The following POR variants were observed in gnomAD, a reference collection of about 807,000 sequenced individuals.
POR encodes the protein NADPH--cytochrome P450 reductase.
In POR, 56 loss-of-function variants were observed where a neutral mutation model predicts 84.0. The ratio of observed to expected loss-of-function variants is 0.67; its 90% confidence interval spans 0.54 to 0.83. The LOEUF is 0.83. POR is among the 40% of genes least tolerant of loss of function. POR has a pLI of 0.00. For missense variants in POR, 938 were observed against 944.3 expected, an observed-to-expected ratio of 0.99 and a Z score of 0.09; for synonymous variants, 414 against 400.5, an observed-to-expected ratio of 1.03 and a Z score of -0.40.
At chr7:75,979,914 C>T (rs191471213) in intron 4 of POR, 86 of 378,028 alleles carry the variant, frequency 2.3e-4, no homozygotes, top group Admixed American at 5.9e-4. Flanking sequence ...GTCTTGGTGA[C>T]GGGCACTACC....
chr7:75,947,965 A>G (rs1554552320), intron 1 of POR, among the ~76,000 whole-genome samples: 1 of 152,114 alleles, frequency 6.6e-6, no homozygotes, highest in Admixed American at 6.6e-5. Flanking sequence ...CCCCAGGCAC[A>G]CTGCTTGGAT....
At chr7:75,959,259 C>A (rs1787827783) in intron 2 of POR, among the ~76,000 whole-genome samples, 1 of 152,154 alleles carries the variant, frequency 6.6e-6, no homozygotes, top group Non-Finnish European at 1.5e-5. Flanking sequence ...GCTGATACAA[C>A]CAGGCCTCAA....
In POR at chr7:75,942,117, C is replaced by A. The variant is rs192365067; in HGVS notation, c.-4-11872C>A. ...TAGTATACACCTGTAGTCCCAACTACTGTGGAGACTGAGGTGGGAGGATCA... is the reference window on the plus strand; with the variant it reads ...TAGTATACACCTGTAGTCCCAACTAATGTGGAGACTGAGGTGGGAGGATCA... On this transcript the variant is annotated intron_variant, in intron 1 of 15. Coordinates refer to ENST00000461988, the MANE Select transcript of POR (RefSeq NM_000941.3). Among the ~76,000 whole-genome samples the A allele has an allele frequency of 3.9e-3, 599 of 152,100 alleles. 8 individuals carry two copies. Among genetic ancestry groups the A allele is most frequent in the Non-Finnish European group, 2.1e-3 (145 of 68,004 alleles).
intron 2 of POR, among the ~76,000 whole-genome samples, chr7:75,969,606 G>T (rs1788343067): frequency 6.6e-6 from 1 of 152,232 alleles, no homozygotes; most frequent in South Asian, 2.1e-4. Context: ...GATCCACTTT[G>T]TTGGAGATGG....
chr7:75,919,397 G>A (rs1806742860), intron 1 of POR, among the ~76,000 whole-genome samples: 1 of 151,946 alleles, frequency 6.6e-6, no homozygotes, highest in Non-Finnish European at 1.5e-5. Flanking sequence ...GTGTGTGTGT[G>A]TGTGTGTGTG....
At chr7:75,961,875 G>T (rs961558348) in intron 2 of POR, among the ~76,000 whole-genome samples, 20 of 152,138 alleles carry the variant, frequency 1.3e-4, no homozygotes, top group African/African-American at 4.6e-4. Context: ...TTAGTCAAGT[G>T]TGGTGGCACA....
At chr7:75,942,939 T>C (rs1786997947) in intron 1 of POR, among the ~76,000 whole-genome samples, 1 of 149,966 alleles carries the variant, frequency 6.7e-6, no homozygotes, top group Non-Finnish European at 1.5e-5. Context: ...GGCAGTTCTT[T>C]CTTTTTTCTT....
Position 75,954,012 on chromosome 7 carries a change from C to T in POR, c.20C>T (p.Ser7Phe). Reference sequence around the variant, plus strand: ...AGTTTCATGATCAACATGGGAGACTCCCACGTGGACACCAGCTCCACCGTG... The same window carrying T: ...AGTTTCATGATCAACATGGGAGACTTCCACGTGGACACCAGCTCCACCGTG... Residue 7 changes from serine to phenylalanine, a missense_variant, in exon 2 of 16, where the codon TCC (serine) becomes TTC (phenylalanine). Ser to Phe is a radical substitution (Grantham distance 155, BLOSUM62 -2). Transcript: ENST00000461988. 3 of 1,601,530 alleles carry T rather than the reference C, an allele frequency of 1.9e-6. No individual in the cohort carries two copies. Among genetic ancestry groups the T allele is most frequent in the Non-Finnish European group, 2.6e-6 (3 of 1,173,828 alleles).
At chr7:75,919,382 C>CGTGCGT (rs147421179) in intron 1 of POR, among the ~76,000 whole-genome samples, 1 of 146,432 alleles carries the variant, frequency 6.8e-6, no homozygotes, top group African/African-American at 2.5e-5. Flanking sequence ...TCTGTGCGTG[C>CGTGCGT]GTGTGTGTGT....
chr7:75,972,450 A>T lies in POR; in HGVS notation c.226A>T (p.Met76Leu). Residue 76 changes from methionine (M) to leucine (L), a missense_variant, in exon 3 of 16, where the codon ATG (methionine) becomes TTG (leucine). Met to Leu is a conservative substitution (Grantham distance 15). Coordinates refer to ENST00000461988, the MANE Select transcript of POR (RefSeq NM_000941.3). ...CAGAGAGAGCAGCTTTGTGGAAAAG[A>T]TGAAGAAAACGGTGAGTTTCCTGCA... 6.2e-7 allele frequency: 1 copy of T among 1,608,124 alleles called. No individual in the cohort carries two copies. Among genetic ancestry groups the T allele is most frequent in the South Asian group, 1.1e-5 (1 of 89,584 alleles).
chr7:75,969,348 G>C (rs1788331470), intron 2 of POR, among the ~76,000 whole-genome samples: 1 of 152,096 alleles, frequency 6.6e-6, no homozygotes, highest in Admixed American at 6.5e-5. Flanking sequence ...TAGTGTCAGA[G>C]CCAGGATTTA....
At chr7:75,943,166 T>A (rs1787019716) in intron 1 of POR, among the ~76,000 whole-genome samples, 1 of 152,160 alleles carries the variant, frequency 6.6e-6, no homozygotes, top group Non-Finnish European at 1.5e-5. Context: ...TTAGCCAGGA[T>A]GGTCTCGATC....
chr7:75,985,860 T>C lies in POR; in HGVS notation c.1669+11T>C, dbSNP rs782056907. On this transcript the variant is annotated intron_variant, in intron 13 of 15. Coordinates refer to ENST00000461988, the MANE Select transcript of POR (RefSeq NM_000941.3). ...GGCTGCGACAGCAGGGTGAGTGGGG[T>C]CCCATGGGGGAGAGGGGGTGACGAC... 1 of 1,549,762 alleles carries C rather than the reference T, an allele frequency of 6.5e-7. No homozygotes were observed. The highest frequency in any genetic ancestry group is 8.7e-7 in the Non-Finnish European group (1 of 1,144,206).
In POR at chr7:75,979,537, C is replaced by T. The variant is rs782376709; in HGVS notation, c.324C>T (p.Tyr108=). ...GCCTGTCCAAGGACGCCCACCGCTACGGGATGCGAGGCATGTCAGCGGACC... is the reference window on the plus strand; with the variant it reads ...GCCTGTCCAAGGACGCCCACCGCTATGGGATGCGAGGCATGTCAGCGGACC... Residue 108 remains tyrosine, a synonymous_variant, in exon 4 of 16, where the codon TAC becomes TAT. Transcript: ENST00000461988. The T allele has an allele frequency of 4.8e-5, 78 of 1,613,536 alleles. No individual in the cohort carries two copies. The highest frequency in any genetic ancestry group is 1.6e-4 in the Middle Eastern group (1 of 6,084).
At chr7:75,981,628 C>G (rs782334805) in intron 7 of POR, 22 bp downstream of exon 7, 1 of 1,604,074 alleles carries the variant, frequency 6.2e-7, no homozygotes, top group Non-Finnish European at 8.5e-7. Context: ...CCCGCAGGTG[C>G]GGTGGGTGGC....
chr7:75,972,488 T>A, intron 3 of POR, 27 bp downstream of exon 3: 1 of 1,582,726 alleles, frequency 6.3e-7, no homozygotes, highest in Admixed American at 1.8e-5. Flanking sequence ...TCTTTACTCT[T>A]CTCAGGAAGC....
intron 1 of POR, among the ~76,000 whole-genome samples, chr7:75,928,132 A>C (rs1225199578): frequency 1.3e-5 from 2 of 151,180 alleles, no homozygotes; most frequent in Non-Finnish European, 2.9e-5. Context: ...CTGCCATACC[A>C]GCTAATTTTT....
At chr7:75,925,990 C>T (rs886212658) in intron 1 of POR, among the ~76,000 whole-genome samples, 8 of 151,140 alleles carry the variant, frequency 5.3e-5, no homozygotes, top group Middle Eastern at 6.8e-3. Flanking sequence ...GTACCTCCCA[C>T]GTACAGTGTC....
chr7:75,958,519 G>A (rs1554554053), intron 2 of POR, among the ~76,000 whole-genome samples: 1 of 152,162 alleles, frequency 6.6e-6, no homozygotes, highest in Non-Finnish European at 1.5e-5. Context: ...AGAAACCGAG[G>A]TGCCAGGGAT....
Sources: gnomAD v4.1 joint callset for allele counts (sites outside exome capture counted in the v4.1 genomes callset) on GRCh38, gnomAD v4.1.1 for gene constraint, MANE v1.5 for transcripts, NCBI Gene and HGNC (gene_info 2026-07-23, HGNC 2026-07-21) for gene names.